The following MTG2 variants were observed in gnomAD, a reference collection of about 807,000 sequenced individuals.
MTG2 encodes mitochondrial ribosome-associated GTPase 2.
MTG2 carries 23 observed loss-of-function variants against 28.6 expected under a neutral mutation model. That is an observed-to-expected ratio of 0.80 (90% CI 0.58 to 1.14). The LOEUF (loss-of-function observed/expected upper bound fraction) is 1.14, where lower values mean the gene tolerates loss of function less well. Among genes scored for constraint, MTG2 ranks in the 50% most tolerant of loss-of-function variants. MTG2 has a pLI of 0.00. For synonymous variants in MTG2, 260 were observed against 251.8 expected, an observed-to-expected ratio of 1.03 and a Z score of -0.31; for missense variants, 539 against 552.0, an observed-to-expected ratio of 0.98 and a Z score of 0.24.
chr20:62,194,884 C>T (rs1480982004), intron 2 of MTG2, among the ~76,000 whole-genome samples: 2 of 152,174 alleles, frequency 1.3e-5, no homozygotes. Context: ...CAGATTGCAC[C>T]TACCTTAGTG....
In MTG2 at chr20:62,193,797, A is replaced by G. The variant is rs551143710; in HGVS notation, c.204+173A>G. 25 of 645,368 alleles carry G rather than the reference A, an allele frequency of 3.9e-5. 1 individual carries two copies. In the South Asian group the frequency reaches 5.0e-4, roughly 13 times the overall value. The allele number at this position is 645,368 out of a possible 1,614,324, so 40.0% of individuals were successfully genotyped here. A position where few individuals can be genotyped will look rare whatever the true frequency, so the allele number is the denominator to read the frequency against. The stretch of plus-strand genomic sequence containing the variant: ...GGTGAAACGCAGGCCTGCGTGCTAA[A>G]TCCCACGCTCAGCAAATCCCAGCAG... On this transcript the variant is annotated intron_variant, in intron 2 of 6. Coordinates refer to ENST00000370823, the MANE Select transcript of MTG2 (RefSeq NM_015666.4).
At chr20:62,187,898 T>C (rs966237773) in intron 1 of MTG2, among the ~76,000 whole-genome samples, 1 of 152,188 alleles carries the variant, frequency 6.6e-6, no homozygotes, top group African/African-American at 2.4e-5. Context: ...AGGTTACTGA[T>C]TTTAGATCTT....
At chr20:62,200,333 A>G (rs2145868433) in intron 6 of MTG2, 1 of 211,318 alleles carries the variant, frequency 4.7e-6, no homozygotes, top group Middle Eastern at 1.7e-3. Context: ...TCTATCAGTA[A>G]TCAAATGATT....
chr20:62,199,178 C>T lies in MTG2; in HGVS notation c.747C>T (p.Pro249=), dbSNP rs149677947. 1.7e-5 allele frequency: 27 copies of T among 1,614,204 alleles called. No homozygotes were observed. Among genetic ancestry groups the T allele is most frequent in the African/African-American group, 1.1e-4 (8 of 75,062 alleles). ...TCCGGGCCATTTCAAACGCCAGACC[C>T]GCCGTGGCTTCCTACCCGTTCACCA... The part of the protein sequence containing the change: ...SLLRAISNAR[P]AVASYPFTTL... Residue 249 remains proline (P), a synonymous_variant, in exon 6 of 7, where the codon CCC becomes CCT. Coordinates refer to ENST00000370823, the MANE Select transcript of MTG2 (RefSeq NM_015666.4).
chr20:62,198,862 C>T lies in MTG2; in HGVS notation c.687+10C>T. Reference sequence around the variant, plus strand: ...GGCCCACGCCGGAATGGTAGGTGTCCCCACTGCCAACAGCATCTGCACACA... The same window carrying T: ...GGCCCACGCCGGAATGGTAGGTGTCTCCACTGCCAACAGCATCTGCACACA... On this transcript the variant is annotated intron_variant, in intron 5 of 6. Transcript: ENST00000370823. 6.2e-7 allele frequency: 1 copy of T among 1,613,850 alleles called. No individual in the cohort carries two copies. Among genetic ancestry groups the T allele is most frequent in the Non-Finnish European group, 8.5e-7 (1 of 1,179,936 alleles).
intron 1 of MTG2, among the ~76,000 whole-genome samples, chr20:62,187,123 G>T (rs1411851865): frequency 6.6e-6 from 1 of 152,202 alleles, no homozygotes; most frequent in African/African-American, 2.4e-5. Flanking sequence ...TGTTGAGACG[G>T]TGGTACCACC....
intron 1 of MTG2, among the ~76,000 whole-genome samples, chr20:62,184,215 G>A (rs1448030836): frequency 1.1e-4 from 17 of 152,186 alleles, no homozygotes; most frequent in South Asian, 4.1e-4. Context: ...AAAAGTAGCC[G>A]GGCGTGGTGG....
At position 62,187,052 on chromosome 20, in the gene MTG2, G is replaced by A. The variant is rs897477921; in HGVS notation, c.-6+3995G>A. On this transcript the variant is annotated intron_variant, in intron 1 of 6. Transcript: ENST00000370823. ...CCCTACGTAGTGCCCTTATCAGGGC[G>A]AAGATGTTCCCGTCTGTTCCCAGTT... Among the ~76,000 whole-genome samples the A allele has an allele frequency of 3.3e-5, 5 of 152,184 alleles. 1 individual carries two copies. Among genetic ancestry groups the A allele is most frequent in the Admixed American group, 2.0e-4 (3 of 15,274 alleles).
chr20:62,196,818 CAGG>C (rs2058068363), intron 3 of MTG2, among the ~76,000 whole-genome samples: 1 of 151,962 alleles, frequency 6.6e-6, no homozygotes, highest in Non-Finnish European at 1.5e-5. Context: ...CGCTTAAGGT[CAGG>C]AGTTCGAGAC....
chr20:62,186,102 G>A (rs534934300), intron 1 of MTG2, among the ~76,000 whole-genome samples: 25 of 152,292 alleles, frequency 1.6e-4, no homozygotes, highest in African/African-American at 6.0e-4. Flanking sequence ...AGCAGGCTGA[G>A]CCGTGGCTAT....
intron 1 of MTG2, among the ~76,000 whole-genome samples, chr20:62,191,796 A>G (rs963143823): frequency 6.6e-6 from 1 of 151,848 alleles, no homozygotes; most frequent in African/African-American, 2.4e-5. Context: ...GCAGGCAGGT[A>G]TTTGTGCTCA....
chr20:62,188,564 G>A (rs767981286), intron 1 of MTG2, among the ~76,000 whole-genome samples: 89 of 137,164 alleles, frequency 6.5e-4, no homozygotes, highest in Admixed American at 7.9e-4. Context: ...TTTTGCCCAG[G>A]CTGTTCTCAA....
rs1266672158 is a variant in MTG2, at chr20:62,203,535, A to G, written c.*2458A>G. 1 of 152,206 alleles carries G rather than the reference A, an allele frequency of 6.6e-6. No individual in the cohort carries two copies. Among genetic ancestry groups the G allele is most frequent in the Non-Finnish European group, 1.5e-5 (1 of 68,042 alleles). The allele number at this position is 152,206 out of a possible 1,614,324, so 9.4% of individuals were successfully genotyped here. ...GTCTGCTTTTCAAATGGGATATATG[A>G]TTCACATACCATAAAATTCACCACT... On this transcript the variant is annotated 3_prime_UTR_variant, in exon 7 of 7. Transcript: ENST00000370823.
intron 6 of MTG2, 170 bp downstream of exon 6, chr20:62,199,427 C>T (rs950976375): frequency 8.6e-5 from 63 of 733,086 alleles, no homozygotes; most frequent in Admixed American, 1.5e-4. Flanking sequence ...AGGCGGATCA[C>T]GAGGTCAGGA....
intron 2 of MTG2, among the ~76,000 whole-genome samples, chr20:62,195,585 T>G (rs1170644427): frequency 6.6e-6 from 1 of 152,174 alleles, no homozygotes; most frequent in Non-Finnish European, 1.5e-5. Context: ...AATACTTACA[T>G]CTGCATTGTG....
chr20:62,198,381 G>A (rs993762788), intron 4 of MTG2: 13 of 574,606 alleles, frequency 2.3e-5, no homozygotes, highest in South Asian at 1.0e-4. Flanking sequence ...TCACACTAAC[G>A]TTTTAGAAAC....
intron 1 of MTG2, among the ~76,000 whole-genome samples, chr20:62,190,158 A>G (rs969418273): frequency 2.0e-5 from 3 of 151,968 alleles, no homozygotes; most frequent in South Asian, 2.1e-4. Context: ...ATTGCTCTGG[A>G]GGTTCCAGTC....
In MTG2 at chr20:62,201,368, G is replaced by T. The variant is rs565451986; in HGVS notation, c.*291G>T. 1.2e-5 allele frequency: 5 copies of T among 427,686 alleles called. No individual in the cohort carries two copies. Among genetic ancestry groups the T allele is most frequent in the Non-Finnish European group, 2.1e-5 (5 of 236,822 alleles). The allele number at this position is 427,686 out of a possible 1,614,324, so 26.5% of individuals were successfully genotyped here. Reference sequence around the variant, plus strand: ...TAAGGGGTTGGGGTGCCCATAACGGGGTGGCCCTGCCGCTGACTCAGGTCT... The same window carrying T: ...TAAGGGGTTGGGGTGCCCATAACGGTGTGGCCCTGCCGCTGACTCAGGTCT... On this transcript the variant is annotated 3_prime_UTR_variant, in exon 7 of 7. Transcript: ENST00000370823.
chr20:62,201,088 G>A lies in MTG2; in HGVS notation c.*11G>A. 3.8e-6 allele frequency: 6 copies of A among 1,579,450 alleles called. No homozygotes were observed. The highest frequency in any genetic ancestry group is 5.1e-6 in the Non-Finnish European group (6 of 1,165,274). On this transcript the variant is annotated 3_prime_UTR_variant, in exon 7 of 7. Transcript: ENST00000370823. ...CCGCTCAGGTGGTAGCCACGCCAGA[G>A]CGGGGTCGCCTCTGGGCCTCTGTCT...
Sources: gnomAD v4.1 joint callset for allele counts (sites outside exome capture counted in the v4.1 genomes callset) on GRCh38, gnomAD v4.1.1 for gene constraint, MANE v1.5 for transcripts, NCBI Gene and HGNC (gene_info 2026-07-23, HGNC 2026-07-21) for gene names.